PRH1: variants seen among roughly 807,000 people sequenced by gnomAD.
PRH1 encodes proline rich protein HaeIII subfamily 1.
PRH1 carries 7 observed loss-of-function variants against 7.9 expected under a neutral mutation model. The ratio of observed to expected loss-of-function variants is 0.89; its 90% CI spans 0.50 to 1.67. The LOEUF (loss-of-function observed/expected upper bound fraction) is 1.67. Among genes scored for constraint, PRH1 ranks in the 40% most tolerant of loss-of-function variants. The pLI is 0.00. For missense variants in PRH1, 109 were observed against 223.6 expected (o/e 0.49, Z 3.27); for synonymous variants, 45 against 80.8 (o/e 0.56, Z 2.38).
intron 2 of PRH1, among the ~76,000 whole-genome samples, chr12:10,943,112 G>T (rs752829453): frequency 7.9e-5 from 12 of 152,144 alleles, no homozygotes; most frequent in Non-Finnish European, 1.6e-4. Context: ...GGGTCCTCTC[G>T]CATTTCCTGA....
chr12:11,017,105 C>T (rs1352856990), intron 1 of PRH1, among the ~76,000 whole-genome samples: 1 of 152,268 alleles, frequency 6.6e-6, no homozygotes, highest in Non-Finnish European at 1.5e-5. Context: ...TGGCAGTTTG[C>T]ATGTGGCTCT....
intron 1 of PRH1, among the ~76,000 whole-genome samples, chr12:11,138,970 G>A (rs1946632346): frequency 6.6e-6 from 1 of 152,156 alleles, no homozygotes; most frequent in Admixed American, 6.5e-5. Flanking sequence ...AGCCCGGGTG[G>A]CAGAGGTTGC....
intron 2 of PRH1, chr12:10,895,391 C>T (rs2135799815): frequency 6.6e-6 from 1 of 152,196 alleles, no homozygotes. Context: ...TGTCAAGTTG[C>T]CTTTTATTGT....
At chr12:10,891,310 G>C (rs903348857) in intron 2 of PRH1, among the ~76,000 whole-genome samples, 4 of 152,146 alleles carry the variant, frequency 2.6e-5, no homozygotes, top group African/African-American at 7.2e-5. Flanking sequence ...CCAAAGGCCT[G>C]TAACAACTTT....
intron 1 of PRH1, among the ~76,000 whole-genome samples, chr12:10,983,640 G>A (rs1939466465): frequency 6.6e-6 from 1 of 152,194 alleles, no homozygotes; most frequent in Non-Finnish European, 1.5e-5. Context: ...GAAGACAGCT[G>A]AGCAGATACA....
chr12:11,120,807 C>T (rs2708336), downstream of PRH1: 113,598 of 152,332 alleles, frequency 0.75, 44,868 homozygotes, highest in East Asian at 0.96. Flanking sequence ...CACTATTTCA[C>T]GTAGAATAGA....
chr12:10,912,343 A>G (rs1949912488), intron 2 of PRH1, among the ~76,000 whole-genome samples: 1 of 152,150 alleles, frequency 6.6e-6, no homozygotes. Flanking sequence ...TTTGGCAGTT[A>G]CGACTTTCTA....
chr12:10,921,104 A>T, intron 2 of PRH1, among the ~76,000 whole-genome samples: 1 of 151,790 alleles, frequency 6.6e-6, no homozygotes, highest in South Asian at 2.1e-4. Context: ...TTTTTTTAGC[A>T]GTTTTGTGCC....
chr12:11,036,189 G>A lies in PRH1; in HGVS notation c.-126+10831C>T, dbSNP rs190919301. 3.0e-3 allele frequency among the ~76,000 whole-genome samples: 448 copies of A among 151,596 alleles called. 2 individuals carry two copies. Among genetic ancestry groups the A allele is most frequent in the African/African-American group, 0.01 (428 of 41,522 alleles). ...ATTACAGGCGTGAGCCACCGCGCCC[G>A]CCCTATGCTGTTTTAATTAGCAGAA... is the stretch of plus-strand genomic sequence containing the variant. On this transcript the variant is annotated intron_variant, in intron 1 of 3. Transcript: ENST00000539853.
intron 1 of PRH1, among the ~76,000 whole-genome samples, chr12:11,067,279 G>T (rs1183788406): frequency 1.3e-5 from 2 of 152,150 alleles, no homozygotes. Flanking sequence ...CACATGATTA[G>T]TATTGTGAAA....
At chr12:10,991,323 T>C (rs1939921219) in intron 1 of PRH1, among the ~76,000 whole-genome samples, 1 of 152,116 alleles carries the variant, frequency 6.6e-6, no homozygotes, top group Non-Finnish European at 1.5e-5. Flanking sequence ...TCAAAATGGG[T>C]TAATCAATCA....
At chr12:11,116,343 T>C (rs573727902), downstream of PRH1, among the ~76,000 whole-genome samples, 58 of 151,680 alleles carry the variant, frequency 3.8e-4, 1 homozygote, top group African/African-American at 1.4e-3. Context: ...CATGAAGAAA[T>C]CCAAAACCTG....
intron 1 of PRH1, among the ~76,000 whole-genome samples, chr12:11,128,471 G>A (rs1362676969): frequency 5.9e-5 from 9 of 151,818 alleles, no homozygotes; most frequent in East Asian, 5.9e-4. Flanking sequence ...AAAAGCGGGC[G>A]CAGTGGCTCA....
upstream of PRH1, chr12:11,048,465 G>C (rs1013519457): frequency 1.3e-5 from 5 of 390,934 alleles, no homozygotes; most frequent in Non-Finnish European, 2.5e-5. Flanking sequence ...CAAGAGTTTG[G>C]TAAAGCAGGA....
intron 1 of PRH1, among the ~76,000 whole-genome samples, chr12:11,093,328 G>A (rs1370408318): frequency 8.6e-6 from 1 of 115,854 alleles, no homozygotes; most frequent in Non-Finnish European, 2.0e-5. Context: ...TCCTCCATAA[G>A]ATCTGGTTGC....
chr12:11,147,912 C>T (rs868534949), intron 1 of PRH1, among the ~76,000 whole-genome samples: 1 of 150,986 alleles, frequency 6.6e-6, no homozygotes, highest in African/African-American at 2.4e-5. Context: ...ATTCTTCCTA[C>T]CCATGAGCAT....
At chr12:10,998,721 T>C (rs1047760961) in intron 1 of PRH1, among the ~76,000 whole-genome samples, 1 of 152,142 alleles carries the variant, frequency 6.6e-6, no homozygotes, top group Admixed American at 6.6e-5. Context: ...CTTTTGGTAA[T>C]GCTACCTGCA....
intron 2 of PRH1, among the ~76,000 whole-genome samples, chr12:10,948,567 TG>T (rs1950522746): frequency 6.6e-6 from 1 of 152,222 alleles, no homozygotes. Context: ...GATTGGGTTT[TG>T]TCTTCCTCCC....
At chr12:10,995,911 T>A (rs1485638724) in intron 1 of PRH1, among the ~76,000 whole-genome samples, 2 of 152,118 alleles carry the variant, frequency 1.3e-5, no homozygotes, top group African/African-American at 2.4e-5. Context: ...ATATTAAATA[T>A]AATATTCCTC....
Sources: gnomAD v4.1 joint callset for allele counts (sites outside exome capture counted in the v4.1 genomes callset) on GRCh38, gnomAD v4.1.1 for gene constraint, MANE v1.5 for transcripts, NCBI Gene and HGNC (gene_info 2026-07-23, HGNC 2026-07-21) for gene names.